The following CAMKMT variants were observed in gnomAD, a reference collection of about 807,000 sequenced individuals.
CAMKMT encodes the protein CaM KMT.
CAMKMT carries 53 observed loss-of-function variants against 48.0 expected under a neutral mutation model. The observed-to-expected ratio is 1.10, with a 90% CI of 0.89 to 1.39. The LOEUF (loss-of-function observed/expected upper bound fraction) is 1.39, where lower values mean the gene tolerates loss of function less well. CAMKMT is among the 40% of genes most tolerant of loss of function. The pLI is 0.00. For synonymous variants in CAMKMT, 165 were observed against 152.3 expected (o/e 1.08, Z -0.61); for missense variants, 428 against 402.7 (o/e 1.06, Z -0.54).
intron 3 of CAMKMT, among the ~76,000 whole-genome samples, chr2:44,541,858 G>A (rs187445013): frequency 6.6e-6 from 1 of 152,010 alleles, no homozygotes; most frequent in Admixed American, 6.5e-5. Flanking sequence ...GGCCGGGCAC[G>A]ATGGCTCACG....
Position 44,504,069 on chromosome 2 carries a change from T to C in CAMKMT, c.376+113764T>C, listed in dbSNP as rs181008126. Among the ~76,000 whole-genome samples, 210 of 152,110 alleles carry C rather than the reference T, an allele frequency of 1.4e-3. No individual in the cohort carries two copies. The Middle Eastern group carries it at 0.017, about 12-fold the overall frequency. On this transcript the variant is annotated intron_variant, in intron 3 of 10. Coordinates refer to ENST00000378494, the MANE Select transcript of CAMKMT (RefSeq NM_024766.5). ...TTTTGTAAGGGCCCAGATGCTGTTATGAAGGCCCCATCTTCATGACCTCAT... is the reference window on the plus strand; with the variant it reads ...TTTTGTAAGGGCCCAGATGCTGTTACGAAGGCCCCATCTTCATGACCTCAT...
In CAMKMT at chr2:44,541,954, C is replaced by G. The variant is rs188002875; in HGVS notation, c.376+151649C>G. On this transcript the variant is annotated intron_variant, in intron 3 of 10. Transcript: ENST00000378494. ...GACCAACTTGACCAACATGGAGAAA[C>G]CCTGTCTCTACTAAAAATACAAATT... Among the ~76,000 whole-genome samples the G allele has an allele frequency of 8.0e-4, 122 of 151,968 alleles. 3 individuals are homozygous for G. The highest frequency in any genetic ancestry group is 8.1e-4 in the Non-Finnish European group (55 of 67,968).
chr2:44,435,156 A>G (rs1666147770), intron 3 of CAMKMT, among the ~76,000 whole-genome samples: 2 of 152,194 alleles, frequency 1.3e-5, no homozygotes, highest in Non-Finnish European at 2.9e-5. Flanking sequence ...ACAATTTTGT[A>G]ACCTCGATTT....
chr2:44,420,284 A>G (rs931564961), intron 3 of CAMKMT, among the ~76,000 whole-genome samples: 17 of 152,134 alleles, frequency 1.1e-4, no homozygotes, highest in Non-Finnish European at 4.4e-5. Context: ...CTGTTTTCTA[A>G]TTAATATTTA....
At chr2:44,539,370 G>A (rs918307378) in intron 3 of CAMKMT, among the ~76,000 whole-genome samples, 1 of 148,860 alleles carries the variant, frequency 6.7e-6, no homozygotes, top group African/African-American at 2.5e-5. Context: ...TTGTTTTTCT[G>A]AACCATTTGC....
At chr2:44,747,594 T>G (rs377724798) in intron 8 of CAMKMT, among the ~76,000 whole-genome samples, 2 of 152,230 alleles carry the variant, frequency 1.3e-5, no homozygotes, top group South Asian at 2.1e-4. Context: ...TTGCTGAAGT[T>G]AAATCTAAAA....
At chr2:44,627,874 A>G (rs1489438824) in intron 3 of CAMKMT, among the ~76,000 whole-genome samples, 2 of 151,272 alleles carry the variant, frequency 1.3e-5, no homozygotes, top group Admixed American at 6.6e-5. Flanking sequence ...TAATTTTTGT[A>G]TTTTTAGTAG....
At chr2:44,516,293 CA>C (rs950288962) in intron 3 of CAMKMT, among the ~76,000 whole-genome samples, 3 of 152,052 alleles carry the variant, frequency 2.0e-5, no homozygotes, top group African/African-American at 2.4e-5. Context: ...AGTGTTAGGC[CA>C]GGGGGAAGCC....
Position 44,629,800 on chromosome 2 carries a change from C to T in CAMKMT, c.377-74483C>T, listed in dbSNP as rs1283833503. Among the ~76,000 whole-genome samples the T allele has an allele frequency of 4.6e-5, 7 of 152,132 alleles. No homozygotes were observed. In the South Asian group the frequency reaches 1.0e-3, roughly 23 times the overall value. ...GCTCACGGGTAGGAAGAATCAATAT[C>T]GTGAAAATGGCCATACTGCCCAAGG... On this transcript the variant is annotated intron_variant, in intron 3 of 10. Transcript: ENST00000378494.
chr2:44,727,940 A>G (rs1438564512), intron 7 of CAMKMT, among the ~76,000 whole-genome samples: 3 of 152,034 alleles, frequency 2.0e-5, no homozygotes, highest in African/African-American at 7.2e-5. Flanking sequence ...GTTTGTTTTT[A>G]GAGACAGGGT....
intron 3 of CAMKMT, among the ~76,000 whole-genome samples, chr2:44,579,853 A>G (rs1325764565): frequency 6.6e-6 from 1 of 152,222 alleles, no homozygotes; most frequent in Non-Finnish European, 1.5e-5. Context: ...ATCGAAAGTC[A>G]GACATACCCT....
chr2:44,434,474 C>G (rs1572865790), intron 3 of CAMKMT, among the ~76,000 whole-genome samples: 1 of 152,062 alleles, frequency 6.6e-6, no homozygotes, highest in East Asian at 1.9e-4. Context: ...TGATTTCATT[C>G]TAAAATAAAG....
At chr2:44,555,776 A>G (rs187148492) in intron 3 of CAMKMT, among the ~76,000 whole-genome samples, 4 of 152,348 alleles carry the variant, frequency 2.6e-5, no homozygotes, top group Admixed American at 1.3e-4. Context: ...AGGAGTTGTC[A>G]TAGAAACCAA....
chr2:44,758,832 A>T (rs1406066890), intron 9 of CAMKMT, among the ~76,000 whole-genome samples: 1 of 152,236 alleles, frequency 6.6e-6, no homozygotes, highest in Non-Finnish European at 1.5e-5. Flanking sequence ...TTTCGTCCAG[A>T]AATGACAACC....
At chr2:44,498,208 A>T (rs908604961) in intron 3 of CAMKMT, among the ~76,000 whole-genome samples, 2 of 152,174 alleles carry the variant, frequency 1.3e-5, no homozygotes, top group African/African-American at 4.8e-5. Flanking sequence ...ACCTCTCTAG[A>T]TAGCTTTAAT....
intron 3 of CAMKMT, among the ~76,000 whole-genome samples, chr2:44,687,968 CCTGT>C (rs1676432167): frequency 6.6e-6 from 1 of 152,164 alleles, no homozygotes; most frequent in Admixed American, 6.5e-5. Context: ...AAGTGATAAG[CCTGT>C]CTGCTTTTCA....
chr2:44,716,767 G>GC (rs1415981553), intron 7 of CAMKMT, among the ~76,000 whole-genome samples: 4 of 152,096 alleles, frequency 2.6e-5, no homozygotes, highest in Non-Finnish European at 5.9e-5. Context: ...AATCAAAAGT[G>GC]CATTTTCTAT....
At chr2:44,423,143 A>T (rs1204516236) in intron 3 of CAMKMT, among the ~76,000 whole-genome samples, 1 of 151,824 alleles carries the variant, frequency 6.6e-6, no homozygotes, top group Non-Finnish European at 1.5e-5. Context: ...CAGTAATCAT[A>T]TGCACAGATT....
chr2:44,575,474 T>G (rs1669165625), intron 3 of CAMKMT, among the ~76,000 whole-genome samples: 1 of 152,236 alleles, frequency 6.6e-6, no homozygotes, highest in African/African-American at 2.4e-5. Context: ...CTTATAAATA[T>G]TCCTAAGATT....
Sources: gnomAD v4.1 joint callset for allele counts (sites outside exome capture counted in the v4.1 genomes callset) on GRCh38, gnomAD v4.1.1 for gene constraint, MANE v1.5 for transcripts, NCBI Gene and HGNC (gene_info 2026-07-23, HGNC 2026-07-21) for gene names.